APBB1IP: variants seen among roughly 807,000 people sequenced by gnomAD.
APBB1IP encodes amyloid beta A4 precursor protein-binding family B member 1-interacting protein.
Under a neutral mutation model 64.9 loss-of-function variants are expected in APBB1IP, and 27 were observed. That is an observed-to-expected ratio of 0.42 (90% CI 0.31 to 0.57). The LOEUF (loss-of-function observed/expected upper bound fraction) is 0.57. Among genes scored for constraint, APBB1IP ranks in the 20% least tolerant of loss-of-function variants. The probability of loss-of-function intolerance (pLI) is 0.20; values close to 1 mark genes in which losing one functional copy is unlikely to be tolerated. For synonymous variants in APBB1IP, 392 were observed against 331.0 expected, an observed-to-expected ratio of 1.18 and a Z score of -2.00; for missense variants, 812 against 845.5, an observed-to-expected ratio of 0.96 and a Z score of 0.49.
chr10:26,483,646 T>C (rs1340738595), intron 2 of APBB1IP, among the ~76,000 whole-genome samples: 1 of 152,236 alleles, frequency 6.6e-6, no homozygotes, highest in Admixed American at 6.5e-5. Context: ...CTTCCTGAAC[T>C]TCATTGACTG....
intron 2 of APBB1IP, among the ~76,000 whole-genome samples, chr10:26,447,672 T>A (rs1031021682): frequency 6.6e-6 from 1 of 152,280 alleles, no homozygotes; most frequent in Admixed American, 6.5e-5. Context: ...AAATTACATG[T>A]TTAACTTTAA....
chr10:26,560,986 C>A, intron 13 of APBB1IP, 142 bp downstream of exon 13: 1 of 470,136 alleles, frequency 2.1e-6, no homozygotes, highest in East Asian at 3.3e-5. Context: ...CTCAAACTCC[C>A]CGACTCAGCC....
rs561863667 is a variant in APBB1IP, at chr10:26,516,204, C to G, written c.813+2544C>G. On this transcript the variant is annotated intron_variant, in intron 8 of 14. Coordinates refer to ENST00000376236, the MANE Select transcript of APBB1IP (RefSeq NM_019043.4). ...AAACAAACAAACAAACAAACAGAAT[C>G]ACAGAAACAGTCTGTGGTCTGTGCC... Among the ~76,000 whole-genome samples the G allele has an allele frequency of 2.0e-5, 3 of 152,108 alleles. No individual in the cohort carries two copies. The South Asian group carries it at 6.2e-4, about 32-fold the overall frequency.
intron 4 of APBB1IP, among the ~76,000 whole-genome samples, chr10:26,500,571 T>A (rs1338296922): frequency 6.6e-6 from 1 of 152,192 alleles, no homozygotes; most frequent in Non-Finnish European, 1.5e-5. Flanking sequence ...AGAGAACACA[T>A]TTCCCCCAAT....
At chr10:26,547,743 C>A (rs922502162) in intron 11 of APBB1IP, among the ~76,000 whole-genome samples, 2 of 152,128 alleles carry the variant, frequency 1.3e-5, no homozygotes, top group Admixed American at 1.3e-4. Flanking sequence ...CTGCGCCCGG[C>A]CAGTTTTGGG....
At chr10:26,543,108 A>G (rs1836716651) in intron 11 of APBB1IP, among the ~76,000 whole-genome samples, 1 of 151,560 alleles carries the variant, frequency 6.6e-6, no homozygotes, top group South Asian at 2.1e-4. Flanking sequence ...AATGACTGTG[A>G]AAGCACTGAA....
rs766503291 is a variant in APBB1IP, at chr10:26,560,158, C to T, written c.1209C>T (p.Asp403=). 6.2e-7 allele frequency: 1 copy of T among 1,614,176 alleles called. No homozygotes were observed. The highest frequency in any genetic ancestry group is 8.5e-7 in the Non-Finnish European group (1 of 1,180,036). The change falls in exon 12 of 15, where the codon GAC becomes GAT. Residue 403 remains aspartate (D), a synonymous_variant. Coordinates refer to ENST00000376236, the MANE Select transcript of APBB1IP (RefSeq NM_019043.4). ...ATATCAAGTATCTCTGCTGTGATGA[C>T]ACAAGAACCCTTAACCAGTGGGTCA... ...SQYIKYLCCD[D]TRTLNQWVMG...
chr10:26,530,971 T>C (rs1047529332), intron 8 of APBB1IP, among the ~76,000 whole-genome samples: 1 of 152,200 alleles, frequency 6.6e-6, no homozygotes, highest in African/African-American at 2.4e-5. Flanking sequence ...TAATTCACAA[T>C]ATAACATCCT....
At chr10:26,562,249 T>A (rs1836982599) in intron 13 of APBB1IP, 77 bp from the exon 14 acceptor site, 1 of 1,115,070 alleles carries the variant, frequency 9.0e-7, no homozygotes, top group Admixed American at 1.8e-5. Context: ...TGCAAACTGC[T>A]TTGTATTTTC....
chr10:26,562,262 A>G (rs1836982666), intron 13 of APBB1IP, 64 bp from the exon 14 acceptor site: 1 of 1,237,860 alleles, frequency 8.1e-7, no homozygotes, highest in East Asian at 2.3e-5. Flanking sequence ...GTATTTTCAG[A>G]TCGACTTTCA....
At chr10:26,483,322 G>A (rs1046632860) in intron 2 of APBB1IP, among the ~76,000 whole-genome samples, 3 of 152,008 alleles carry the variant, frequency 2.0e-5, no homozygotes, top group South Asian at 2.1e-4. Flanking sequence ...AAACTCGATC[G>A]ATTTACTTAT....
At chr10:26,464,476 T>C (rs1835626951) in intron 2 of APBB1IP, among the ~76,000 whole-genome samples, 1 of 152,148 alleles carries the variant, frequency 6.6e-6, no homozygotes, top group Non-Finnish European at 1.5e-5. Context: ...TCATGGTCCA[T>C]TGCAGCCTCA....
chr10:26,567,186 G>T lies in APBB1IP; in HGVS notation c.1699G>T (p.Glu567Ter). 7.1e-7 allele frequency: 1 copy of T among 1,409,630 alleles called. No individual in the cohort carries two copies. The highest frequency in any genetic ancestry group is 9.2e-7 in the Non-Finnish European group (1 of 1,086,992). 87.3% of individuals were successfully genotyped at this position (1,409,630 alleles called of 1,614,324 possible). A position where few individuals can be genotyped will look rare whatever the true frequency, so the allele number is the denominator to read the frequency against. Residue 567 changes from glutamate (E) to a stop codon, truncating the protein, a stop_gained, in exon 15 of 15, where the codon GAG becomes TAG. Coordinates refer to ENST00000376236, the MANE Select transcript of APBB1IP (RefSeq NM_019043.4). LOFTEE classifies it low-confidence loss of function (END_TRUNC). ...PPPPPPLDDP[E>*]LPPPPPDFME... ...ACCGCCGCCGCCCCTCGATGACCCTGAGCTCCCGCCGCCGCCCCCGGACTT... is the reference window on the plus strand; with the variant it reads ...ACCGCCGCCGCCCCTCGATGACCCTTAGCTCCCGCCGCCGCCCCCGGACTT...
chr10:26,541,249 T>C (rs187664996), intron 10 of APBB1IP, among the ~76,000 whole-genome samples: 36 of 152,328 alleles, frequency 2.4e-4, no homozygotes, highest in African/African-American at 8.2e-4. Context: ...ATACATATAA[T>C]GTATGGTGAT....
chr10:26,495,400 TG>T (rs1456121678), intron 3 of APBB1IP, among the ~76,000 whole-genome samples: 1 of 145,570 alleles, frequency 6.9e-6, no homozygotes, highest in Admixed American at 6.8e-5. Flanking sequence ...CTGCAGCCAG[TG>T]GGGGAAGTGT....
chr10:26,566,952 C>T lies in APBB1IP; in HGVS notation c.1474-9C>T. The T allele has an allele frequency of 1.3e-6, 2 of 1,566,132 alleles. No individual in the cohort carries two copies. Among genetic ancestry groups the T allele is most frequent in the African/African-American group, 1.4e-5 (1 of 71,626 alleles). On this transcript the variant is annotated splice_polypyrimidine_tract_variant and intron_variant, in intron 14 of 14. Transcript: ENST00000376236. ...AAAAAAAATGAATGCTACTGCCACTCGGTTGCAGGATAAGAAGCCAGCCCT... is the reference window on the plus strand; with the variant it reads ...AAAAAAAATGAATGCTACTGCCACTTGGTTGCAGGATAAGAAGCCAGCCCT...
At chr10:26,445,420 T>A (rs10764611) in intron 2 of APBB1IP, among the ~76,000 whole-genome samples, 59,107 of 151,982 alleles carry the variant, frequency 0.39, 11,702 homozygotes, top group South Asian at 0.5. Context: ...ATTCTTTTTT[T>A]AATTGTTCTT....
At chr10:26,560,047 C>A in intron 11 of APBB1IP, 58 bp from the exon 12 acceptor site, 1 of 1,429,512 alleles carries the variant, frequency 7.0e-7, no homozygotes, top group Non-Finnish European at 9.9e-7. Context: ...CTGACAGGTG[C>A]TTTGACCTCC....
At chr10:26,492,274 C>T in intron 2 of APBB1IP, 53 bp from the exon 3 acceptor site, 1 of 1,530,290 alleles carries the variant, frequency 6.5e-7, no homozygotes, top group Non-Finnish European at 9.0e-7. Context: ...AAAGAGTATC[C>T]TAGGATCAGG....
Sources: allele counts gnomAD v4.1 joint callset (sites outside exome capture counted in the v4.1 genomes callset), GRCh38; gene constraint gnomAD v4.1.1; transcripts MANE v1.5; gene names NCBI Gene and HGNC (gene_info 2026-07-23, HGNC 2026-07-21).